The following LRCH3 variants were observed in gnomAD, a reference collection of about 807,000 sequenced individuals.
LRCH3 encodes leucine rich repeats and calponin homology domain containing 3.
A neutral mutation model predicts 104.5 loss-of-function variants in LRCH3; 68 were observed. That is an observed-to-expected ratio of 0.65 (90% CI 0.54 to 0.80). LRCH3 has a LOEUF of 0.80. LRCH3 is among the 30% of genes least tolerant of loss of function. LRCH3 has a pLI of 0.00. For synonymous variants in LRCH3, 344 were observed against 361.3 expected (o/e 0.95, Z 0.54); for missense variants, 951 against 953.9 (o/e 1.00, Z 0.04).
intron 1 of LRCH3, among the ~76,000 whole-genome samples, chr3:197,793,300 G>A (rs1459055124): frequency 6.6e-6 from 1 of 152,136 alleles, no homozygotes; most frequent in Non-Finnish European, 1.5e-5. Context: ...ATCTCTTTTT[G>A]GAAACAGTTG....
In LRCH3 at chr3:197,864,750, G is replaced by A. The variant is rs112516165; in HGVS notation, c.1717-673G>A. On this transcript the variant is annotated intron_variant, in intron 15 of 20. Coordinates refer to ENST00000425562, the MANE Select transcript of LRCH3 (RefSeq NM_001365715.1). ...TTCCAAAGGGGGTCAGGCCAGGCAC[G>A]GTAACTCATGCCTATAATCCAGCAC... 5.8e-3 allele frequency among the ~76,000 whole-genome samples: 842 copies of A among 145,830 alleles called. 13 individuals are homozygous for A. Among genetic ancestry groups the A allele is most frequent in the African/African-American group, 0.02 (793 of 39,096 alleles).
intron 12 of LRCH3, chr3:197,850,319 A>G: frequency 3.7e-5 from 25 of 673,414 alleles, no homozygotes; most frequent in East Asian, 1.4e-4. Context: ...TACTCATTTA[A>G]TTCTCCCAAC....
At chr3:197,873,870 A>T (rs550348638) in intron 19 of LRCH3, among the ~76,000 whole-genome samples, 12 of 151,910 alleles carry the variant, frequency 7.9e-5, no homozygotes, top group African/African-American at 2.9e-4. Flanking sequence ...AAAATACAAA[A>T]ATTAGCTGTG....
chr3:197,883,754 C>T lies in LRCH3; in HGVS notation c.*88C>T. Reference sequence around the variant, plus strand: ...CTGCCAGCTGTCTGCTTAAACAAAGCTCTTGTGTGTTCTCAGAAGGGACCG... The same window carrying T: ...CTGCCAGCTGTCTGCTTAAACAAAGTTCTTGTGTGTTCTCAGAAGGGACCG... On this transcript the variant is annotated 3_prime_UTR_variant, in exon 21 of 21. Transcript: ENST00000425562. This position sits in a 1 kb window ranked among gnomAD's most constrained non-coding sequence, Gnocchi z 4.2. 1 of 1,394,646 alleles carries T rather than the reference C, an allele frequency of 7.2e-7. No individual in the cohort carries two copies. The highest frequency in any genetic ancestry group is 9.5e-7 in the Non-Finnish European group (1 of 1,052,718). 86.4% of individuals were successfully genotyped at this position (1,394,646 alleles called of 1,614,324 possible).
Position 197,883,454 on chromosome 3 carries a change from G to C in LRCH3, c.2209-87G>C, listed in dbSNP as rs906341651. Reference sequence around the variant, plus strand: ...TATCTAAGTTGATGATTGTGAAGGGGAGAAGTGCTTATTTTTTCCTTTCAG... The same window carrying C: ...TATCTAAGTTGATGATTGTGAAGGGCAGAAGTGCTTATTTTTTCCTTTCAG... On this transcript the variant is annotated intron_variant, in intron 20 of 20. Coordinates refer to ENST00000425562, the MANE Select transcript of LRCH3 (RefSeq NM_001365715.1). This position sits in a 1 kb window ranked among gnomAD's most constrained non-coding sequence, Gnocchi z 4.2. 7.6e-6 allele frequency: 11 copies of C among 1,452,918 alleles called. No individual in the cohort carries two copies. The highest frequency in any genetic ancestry group is 1.4e-5 in the African/African-American group (1 of 70,566). 90.0% of individuals were successfully genotyped at this position (1,452,918 alleles called of 1,614,324 possible). A position where few individuals can be genotyped will look rare whatever the true frequency, so the allele number is the denominator to read the frequency against.
In LRCH3 at chr3:197,886,804, C is replaced by CAAAAAAAAAA. The variant is rs34476668; in HGVS notation, c.*3150_*3159dup. 1 of 75,854 alleles carries CAAAAAAAAAA rather than the reference C, an allele frequency of 1.3e-5. No individual in the cohort carries two copies. The highest frequency in any genetic ancestry group is 4.1e-5 in the African/African-American group (1 of 24,272). 4.7% of individuals were successfully genotyped at this position (75,854 alleles called of 1,614,324 possible). On this transcript the variant is annotated 3_prime_UTR_variant, in exon 21 of 21. Transcript: ENST00000425562. ...TGGGCAACAGAGCGAGACTCTGTCTCAAAAAAAAAAAAAAAAAAAAACCCA... is the reference window on the plus strand; with the variant it reads ...TGGGCAACAGAGCGAGACTCTGTCTCAAAAAAAAAAAAAAAAAAAAAAAAAAAAAAACCCA...
At chr3:197,872,914 T>G (rs1345737368) in intron 19 of LRCH3, among the ~76,000 whole-genome samples, 1 of 152,110 alleles carries the variant, frequency 6.6e-6, no homozygotes, top group African/African-American at 2.4e-5. Context: ...GTTGTATTAG[T>G]CCAGGCCAGG....
chr3:197,862,595 T>A (rs73892153), intron 15 of LRCH3, among the ~76,000 whole-genome samples: 1 of 152,188 alleles, frequency 6.6e-6, no homozygotes, highest in African/African-American at 2.4e-5. Flanking sequence ...CTTTTTGTAT[T>A]ATTGGTCCTT....
At chr3:197,804,168 T>A (rs1732212515) in intron 1 of LRCH3, among the ~76,000 whole-genome samples, 2 of 151,302 alleles carry the variant, frequency 1.3e-5, no homozygotes, top group Non-Finnish European at 2.9e-5. Context: ...GAGGCTGAGG[T>A]GGGAGAATTG....
At chr3:197,800,580 T>G (rs749381004) in intron 1 of LRCH3, among the ~76,000 whole-genome samples, 1 of 152,190 alleles carries the variant, frequency 6.6e-6, no homozygotes, top group Non-Finnish European at 1.5e-5. Flanking sequence ...TGTGAATTGG[T>G]GCCTCAACTT....
intron 9 of LRCH3, among the ~76,000 whole-genome samples, chr3:197,838,518 T>C (rs1737263122): frequency 6.6e-6 from 1 of 152,248 alleles, no homozygotes; most frequent in African/African-American, 2.4e-5. Context: ...GAAAGTTGTT[T>C]TCTTATTTTT....
rs2109605367 is a variant in LRCH3, at chr3:197,888,410, C to T, written c.*4744C>T. ...TTACACATTGACATTCAAATAAAAGCCAACACTTCAGTGGCGTGTAATAAA... is the reference window on the plus strand; with the variant it reads ...TTACACATTGACATTCAAATAAAAGTCAACACTTCAGTGGCGTGTAATAAA... On this transcript the variant is annotated 3_prime_UTR_variant, in exon 21 of 21. Transcript: ENST00000425562. The T allele has an allele frequency of 6.6e-6, 1 of 152,216 alleles. No homozygotes were observed. Among genetic ancestry groups the T allele is most frequent in the Non-Finnish European group, 1.5e-5 (1 of 68,012 alleles). The allele number at this position is 152,216 out of a possible 1,614,324, so 9.4% of individuals were successfully genotyped here.
chr3:197,869,903 T>C (rs1011677158), intron 17 of LRCH3, among the ~76,000 whole-genome samples: 4 of 149,362 alleles, frequency 2.7e-5, no homozygotes, highest in Non-Finnish European at 4.5e-5. Flanking sequence ...CTGCAGGAGG[T>C]AGAAAGCCAT....
rs112039543 is a variant in LRCH3 at position 197,826,498 on chromosome 3, T to C, written c.641-380T>C. Among the ~76,000 whole-genome samples the C allele has an allele frequency of 7.2e-5, 11 of 152,336 alleles. 1 individual carries two copies. Among genetic ancestry groups the C allele is most frequent in the African/African-American group, 2.6e-4 (11 of 41,572 alleles). ...AATAACTTGCTGATTCCTGGGAACA[T>C]TGGAGAAGGATAGTGCCCCAGCTGT... On this transcript the variant is annotated intron_variant, in intron 4 of 20. Coordinates refer to ENST00000425562, the MANE Select transcript of LRCH3 (RefSeq NM_001365715.1).
intron 10 of LRCH3, among the ~76,000 whole-genome samples, chr3:197,846,233 G>T (rs1158944863): frequency 6.6e-6 from 1 of 151,916 alleles, no homozygotes; most frequent in African/African-American, 2.4e-5. Context: ...GCAAAACCCG[G>T]TCTCTACAAA....
At chr3:197,881,053 T>G (rs1468272711) in intron 20 of LRCH3, 2 of 1,126,720 alleles carry the variant, frequency 1.8e-6, no homozygotes, top group Non-Finnish European at 1.1e-6. Flanking sequence ...ATGTAGAGCT[T>G]TATTTCCAAG....
intron 20 of LRCH3, chr3:197,876,061 T>C (rs1712850642): frequency 4.6e-6 from 1 of 217,286 alleles, no homozygotes; most frequent in Admixed American, 5.8e-5. Context: ...CAACTAAATA[T>C]ATCCTTCAAA....
intron 1 of LRCH3, among the ~76,000 whole-genome samples, chr3:197,805,702 C>T (rs937328435): frequency 2.0e-5 from 3 of 151,410 alleles, no homozygotes; most frequent in Non-Finnish European, 4.4e-5. Context: ...TAATGACAGC[C>T]GACATGCAGA....
intron 18 of LRCH3, 73 bp downstream of exon 18, chr3:197,870,351 C>A: frequency 2.2e-6 from 3 of 1,339,814 alleles, no homozygotes; most frequent in South Asian, 1.3e-5. Context: ...ATCACGTCTT[C>A]ATTTGACACA....
Sources: allele counts gnomAD v4.1 joint callset (sites outside exome capture counted in the v4.1 genomes callset), GRCh38; gene constraint gnomAD v4.1.1; non-coding constraint Gnocchi (gnomAD v3.1); transcripts MANE v1.5; gene names NCBI Gene and HGNC (gene_info 2026-07-23, HGNC 2026-07-21).